The following KDM6B variants were observed in gnomAD, a reference collection of about 807,000 sequenced individuals.
KDM6B encodes lysine-specific demethylase 6B.
KDM6B carries 22 observed loss-of-function variants against 150.4 expected under a neutral mutation model. The ratio of observed to expected loss-of-function variants is 0.15; its 90% CI spans 0.10 to 0.21. The LOEUF (loss-of-function observed/expected upper bound fraction) is 0.21, where lower values mean the gene tolerates loss of function less well. KDM6B is among the 10% of genes least tolerant of loss of function. The pLI, the probability that KDM6B is intolerant of heterozygous loss-of-function variation, is 1.00. For missense variants in KDM6B, 1,984 were observed against 2,234.3 expected (o/e 0.89, Z 2.26); for synonymous variants, 1,148 against 921.1 (o/e 1.25, Z -4.46).
In KDM6B at chr17:7,848,511, C is replaced by A; in HGVS notation, c.2223C>A (p.Ala741=). 5.0e-6 allele frequency: 8 copies of A among 1,612,132 alleles called. No homozygotes were observed. The highest frequency in any genetic ancestry group is 6.8e-6 in the Non-Finnish European group (8 of 1,179,902). Residue 741 remains alanine (A), a synonymous_variant, in exon 12 of 24, where the codon GCC becomes GCA. Transcript: ENST00000448097. The part of the protein sequence containing the change: ...SLQSPFPTDT[A]PTTTAPAVAV... Reference sequence around the variant, plus strand: ...AGTCTCCTTTCCCCACCGACACAGCCCCCACCACTACTGCTCCTGCTGTCG... The same window carrying A: ...AGTCTCCTTTCCCCACCGACACAGCACCCACCACTACTGCTCCTGCTGTCG...
rs2078511720 is a variant in KDM6B, at chr17:7,845,430, A to G, written c.-32A>G. 3.2e-6 allele frequency: 4 copies of G among 1,234,506 alleles called. No individual in the cohort carries two copies. Among genetic ancestry groups the G allele is most frequent in the East Asian group, 4.6e-5 (2 of 43,044 alleles). The allele number at this position is 1,234,506 out of a possible 1,614,324, so 76.5% of individuals were successfully genotyped here. Reference sequence around the variant, plus strand: ...GGGCAGGGGGCCGTGCCCAATCTCCAGGGCTCCTGGGGCCACTGCTGACCT... The same window carrying G: ...GGGCAGGGGGCCGTGCCCAATCTCCGGGGCTCCTGGGGCCACTGCTGACCT... On this transcript the variant is annotated 5_prime_UTR_variant, in exon 4 of 24. Transcript: ENST00000448097.
chr17:7,853,625 G>A lies in KDM6B; in HGVS notation c.*104G>A, dbSNP rs958359360. ...CCCGCCTGTGGCCGAGAAGGGGGTC[G>A]GGCCCAGCCCTTCCACCCCATTGGC... On this transcript the variant is annotated 3_prime_UTR_variant, in exon 24 of 24. Coordinates refer to ENST00000448097, the MANE Select transcript of KDM6B (RefSeq NM_001348716.2). The A allele has an allele frequency of 9.8e-5, 84 of 856,396 alleles. No homozygotes were observed. The highest frequency in any genetic ancestry group is 1.2e-4 in the Non-Finnish European group (74 of 630,388). 53.0% of individuals were successfully genotyped at this position (856,396 alleles called of 1,614,324 possible).
chr17:7,853,467 C>T (rs2078745429), intron 23 of KDM6B, 31 bp from the exon 24 acceptor site: 3 of 1,507,896 alleles, frequency 2.0e-6, no homozygotes, highest in East Asian at 2.5e-5. Flanking sequence ...CCGCGCCTTT[C>T]CCTGAGCCCC....
At chr17:7,846,359 C>A in intron 7 of KDM6B, 41 bp from the exon 8 acceptor site, 1 of 1,561,214 alleles carries the variant, frequency 6.4e-7, no homozygotes, top group East Asian at 2.4e-5. Context: ...CTCAGTGCCC[C>A]ACCTGACATC....
At position 7,854,446 on chromosome 17, in the gene KDM6B, A is replaced by C. The variant is rs368100502; in HGVS notation, c.*925A>C. On this transcript the variant is annotated 3_prime_UTR_variant, in exon 24 of 24. Transcript: ENST00000448097. ...AAAATAAAAAAATTAAAGGTTTTAA[A>C]GAAAGAACTATGAGGAAAAGGAACC... The C allele has an allele frequency of 1.3e-5, 2 of 152,366 alleles. No homozygotes were observed. The highest frequency in any genetic ancestry group is 1.3e-4 in the Admixed American group (2 of 15,286). 9.4% of individuals were successfully genotyped at this position (152,366 alleles called of 1,614,324 possible).
At position 7,848,162 on chromosome 17, in the gene KDM6B, C is replaced by T. The variant is rs112251890; in HGVS notation, c.1874C>T (p.Pro625Leu). The change falls in exon 12 of 24, where the codon CCG becomes CTG. Residue 625 changes from proline (P) to leucine (L), a missense_variant. Physicochemically the swap from Pro to Leu is moderately conservative, Grantham distance 98 (BLOSUM62 -3). Coordinates refer to ENST00000448097, the MANE Select transcript of KDM6B (RefSeq NM_001348716.2). ...HQNTSGSFRR[P>L]ESPRPRVSFP... ...AATACCTCAGGAAGCTTCAGGCGCC[C>T]GGAGAGCCCCCGGCCCAGGGTCTCC... 88 of 1,612,628 alleles carry T rather than the reference C, an allele frequency of 5.5e-5. No individual in the cohort carries two copies. Among genetic ancestry groups the T allele is most frequent in the Admixed American group, 2.7e-4 (16 of 60,002 alleles).
rs892384904 is a variant in KDM6B at position 7,849,111 on chromosome 17, A to T, written c.2823A>T (p.Thr941=). ...CTGACCCAGCCGACCCAGTGGACACAGCAGAGCCAGCGGACAGTGGGACTG... is the reference window on the plus strand; with the variant it reads ...CTGACCCAGCCGACCCAGTGGACACTGCAGAGCCAGCGGACAGTGGGACTG... The part of the protein sequence containing the change: ...SATDPADPVD[T]AEPADSGTER... Residue 941 remains threonine, a synonymous_variant, in exon 12 of 24, where the codon ACA becomes ACT. Transcript: ENST00000448097. 1.9e-6 allele frequency: 3 copies of T among 1,612,218 alleles called. No homozygotes were observed. The African/African-American group carries it at 4.0e-5, about 22-fold the overall frequency.
Position 7,834,339 on chromosome 17 carries a change from C to A in KDM6B, c.-399C>A, listed in dbSNP as rs2078287013. Among the ~76,000 whole-genome samples the A allele has an allele frequency of 6.6e-6, 1 of 152,030 alleles. No homozygotes were observed. Among genetic ancestry groups the A allele is most frequent in the Non-Finnish European group, 1.5e-5 (1 of 67,980 alleles). On this transcript the variant is annotated 5_prime_UTR_variant, in exon 1 of 24. Transcript: ENST00000448097. ...GGGGAGCCTGAACACCTGGGACCCC[C>A]CCCAGAACCAGGTAACGGGGAGCCG...
chr17:7,846,389 C>A lies in KDM6B; in HGVS notation c.457-11C>A. Reference sequence around the variant, plus strand: ...GACATCTGCCCCTGCCCCGTGTCCCCCCACCCCCAGGCCCAGCTCTGGAAC... The same window carrying A: ...GACATCTGCCCCTGCCCCGTGTCCCACCACCCCCAGGCCCAGCTCTGGAAC... On this transcript the variant is annotated splice_polypyrimidine_tract_variant and intron_variant, in intron 7 of 23. Transcript: ENST00000448097. The A allele has an allele frequency of 6.4e-7, 1 of 1,573,608 alleles. No homozygotes were observed.
rs962500562 is a variant in KDM6B at position 7,844,469 on chromosome 17, C to T, written c.-268-432C>T. ...TGGAAGTCGCTGTGGCTGGCCAGCC[C>T]TAAGCAGTTAATAGGGGCGCTCGGG... On this transcript the variant is annotated intron_variant, in intron 2 of 23. Coordinates refer to ENST00000448097, the MANE Select transcript of KDM6B (RefSeq NM_001348716.2). The surrounding 1 kb of genome is among the most constrained non-coding windows in gnomAD (Gnocchi z 5.9). 2 of 152,186 alleles carry T rather than the reference C, an allele frequency of 1.3e-5. No homozygotes were observed. The highest frequency in any genetic ancestry group is 2.9e-5 in the Non-Finnish European group (2 of 68,104). The allele number at this position is 152,186 out of a possible 1,614,324, so 9.4% of individuals were successfully genotyped here. A position where few individuals can be genotyped will look rare whatever the true frequency, so the allele number is the denominator to read the frequency against.
At position 7,846,060 on chromosome 17, in the gene KDM6B, AC is replaced by A. The variant is rs2078529082; in HGVS notation, c.237-14del. 2.9e-6 allele frequency: 1 copy of A among 342,094 alleles called. No homozygotes were observed. The highest frequency in any genetic ancestry group is 5.5e-5 in the African/African-American group (1 of 18,296). 21.2% of individuals were successfully genotyped at this position (342,094 alleles called of 1,614,324 possible). ...AAGCCCAACCCCCACCCACACCCCC[AC>A]CCCTTCTGCTCTGTAGGGCGCCCAC... On this transcript the variant is annotated splice_polypyrimidine_tract_variant and intron_variant, in intron 6 of 23. Coordinates refer to ENST00000448097, the MANE Select transcript of KDM6B (RefSeq NM_001348716.2).
At chr17:7,850,258 G>GA in intron 14 of KDM6B, 81 bp downstream of exon 14, 1 of 1,156,292 alleles carries the variant, frequency 8.6e-7, no homozygotes, top group South Asian at 1.4e-5. Context: ...TCCCACACTT[G>GA]AAGACTCATG....
In KDM6B at chr17:7,853,962, C is replaced by T. The variant is rs1184061745; in HGVS notation, c.*441C>T. On this transcript the variant is annotated 3_prime_UTR_variant, in exon 24 of 24. Transcript: ENST00000448097. Reference sequence around the variant, plus strand: ...TGAGATTCTTTCTATGGGCTTTACCCCTCCCCCGGAACCTCCTTTTTTACT... The same window carrying T: ...TGAGATTCTTTCTATGGGCTTTACCTCTCCCCCGGAACCTCCTTTTTTACT... 4 of 156,942 alleles carry T rather than the reference C, an allele frequency of 2.5e-5. No homozygotes were observed. The highest frequency in any genetic ancestry group is 9.6e-5 in the African/African-American group (4 of 41,612). The allele number at this position is 156,942 out of a possible 1,614,324, so 9.7% of individuals were successfully genotyped here.
intron 21 of KDM6B, 36 bp from the exon 22 acceptor site, chr17:7,852,964 T>G: frequency 6.2e-7 from 1 of 1,613,188 alleles, no homozygotes; most frequent in Non-Finnish European, 8.5e-7. Context: ...GCCTCCTCCT[T>G]GCCGGTGGTC....
chr17:7,846,780 G>A (rs1469552379), intron 9 of KDM6B, 39 bp from the exon 10 acceptor site: 1 of 1,613,858 alleles, frequency 6.2e-7, no homozygotes, highest in Non-Finnish European at 8.5e-7. Context: ...AAGTAGGCAG[G>A]ACTTGGGAAT....
At chr17:7,838,958 G>GAGAC (rs201809545) in intron 1 of KDM6B, among the ~76,000 whole-genome samples, 3,532 of 152,224 alleles carry the variant, frequency 0.023, 60 homozygotes, top group Middle Eastern at 0.12. Context: ...TTGCATCATG[G>GAGAC]AGACTGGGGG....
chr17:7,843,309 G>C lies in KDM6B; in HGVS notation c.-268-1592G>C, dbSNP rs2078455776. On this transcript the variant is annotated intron_variant, in intron 2 of 23. Transcript: ENST00000448097. The surrounding 1 kb of genome is among the most constrained non-coding windows in gnomAD (Gnocchi z 4.5). ...GGGGCAGTCACGGAGGGCCATACTT[G>C]ACCACAGTTCAGCGCCGTACCTGGC... Among the ~76,000 whole-genome samples, 1 of 152,096 alleles carries C rather than the reference G, an allele frequency of 6.6e-6. No individual in the cohort carries two copies. Among genetic ancestry groups the C allele is most frequent in the African/African-American group, 2.4e-5 (1 of 41,414 alleles).
rs1400072564 is a variant in KDM6B at position 7,843,918 on chromosome 17, C to T, written c.-268-983C>T. ...GCGCTGTGCCAGTCGGGGGTCCAGT[C>T]GGCACCAAAGCGAAAGGGTGGGGGG... On this transcript the variant is annotated intron_variant, in intron 2 of 23. Transcript: ENST00000448097. The surrounding 1 kb of genome is among the most constrained non-coding windows in gnomAD (Gnocchi z 4.5). 6.6e-6 allele frequency among the ~76,000 whole-genome samples: 1 copy of T among 150,946 alleles called. No individual in the cohort carries two copies. Among genetic ancestry groups the T allele is most frequent in the Admixed American group, 6.6e-5 (1 of 15,180 alleles).
At position 7,849,082 on chromosome 17, in the gene KDM6B, G is replaced by A. The variant is rs1161540052; in HGVS notation, c.2794G>A (p.Ala932Thr). ...ETLVERVGRS[A>T]TDPADPVDTA... ...CCTTGTGGAGCGGGTGGGCCGGAGTGCCACTGACCCAGCCGACCCAGTGGA... is the reference window on the plus strand; with the variant it reads ...CCTTGTGGAGCGGGTGGGCCGGAGTACCACTGACCCAGCCGACCCAGTGGA... The change falls in exon 12 of 24, where the codon GCC becomes ACC. Residue 932 changes from alanine (A) to threonine (T), a missense_variant. Physicochemically the swap from Ala to Thr is moderately conservative, Grantham distance 58. Transcript: ENST00000448097. 1 of 1,612,380 alleles carries A rather than the reference G, an allele frequency of 6.2e-7. No homozygotes were observed. The highest frequency in any genetic ancestry group is 1.3e-5 in the African/African-American group (1 of 75,042).
Sources: allele counts gnomAD v4.1 joint callset (sites outside exome capture counted in the v4.1 genomes callset), GRCh38; gene constraint gnomAD v4.1.1; non-coding constraint Gnocchi (gnomAD v3.1); transcripts MANE v1.5; gene names NCBI Gene and HGNC (gene_info 2026-07-23, HGNC 2026-07-21).